Variants in HEATR6 observed in about 807,000 individuals in gnomAD.
The protein encoded by HEATR6 is HEAT repeat containing 6.
In HEATR6, 106 loss-of-function variants were observed where a neutral mutation model predicts 132.8. The ratio of observed to expected loss-of-function variants is 0.80; its 90% CI spans 0.68 to 0.94. HEATR6 has a LOEUF of 0.94. Ranked by LOEUF, HEATR6 falls within the 40% of genes least tolerant of loss-of-function variation. HEATR6 has a pLI of 0.00. For missense variants in HEATR6, 1,339 were observed against 1,425.1 expected (o/e 0.94, Z 0.97); for synonymous variants, 529 against 537.8 (o/e 0.98, Z 0.23).
chr17:60,072,471 T>C, intron 4 of HEATR6, 142 bp from the exon 5 acceptor site: 1 of 457,962 alleles, frequency 2.2e-6, no homozygotes, highest in East Asian at 3.3e-5. Flanking sequence ...AAAATTATTA[T>C]TTTGGTTAAT....
chr17:60,064,002 CTT>C (rs2145194261), intron 9 of HEATR6: 1 of 152,114 alleles, frequency 6.6e-6, no homozygotes, highest in East Asian at 1.9e-4. Context: ...TTCTAGAAGT[CTT>C]TATTTTAAAA....
chr17:60,058,945 A>G (rs1906843736), intron 11 of HEATR6, among the ~76,000 whole-genome samples: 1 of 152,224 alleles, frequency 6.6e-6, no homozygotes, highest in East Asian at 1.9e-4. Flanking sequence ...GCACTTAGTA[A>G]AGATTTGAAG....
chr17:60,057,254 C>T lies in HEATR6; in HGVS notation c.1873G>A (p.Asp625Asn). Residue 625 changes from aspartate (D) to asparagine (N), a missense_variant, in exon 12 of 20, where the codon GAT becomes AAT. Physicochemically the swap from Asp to Asn is conservative, Grantham distance 23 (BLOSUM62 1). Transcript: ENST00000184956. ...NSATPHLSPP[D>N]WWKKAPAGPS... Reference sequence around the variant, plus strand: ...CCTGCAGGGGCTTTCTTCCACCAATCAGGAGGGCTGAGGTGAGGGGTTGCT... The same window carrying T: ...CCTGCAGGGGCTTTCTTCCACCAATTAGGAGGGCTGAGGTGAGGGGTTGCT... 6.2e-7 allele frequency: 1 copy of T among 1,614,174 alleles called. No individual in the cohort carries two copies. Among genetic ancestry groups the T allele is most frequent in the Middle Eastern group, 1.6e-4 (1 of 6,062 alleles).
chr17:60,073,350 C>A (rs1222501060), intron 3 of HEATR6, 71 bp from the exon 4 acceptor site: 3 of 919,888 alleles, frequency 3.3e-6, no homozygotes, highest in Non-Finnish European at 5.2e-6. Context: ...AGACAGATTT[C>A]TTCTTTCTTT....
chr17:60,055,582 G>C lies in HEATR6; in HGVS notation c.2222C>G (p.Thr741Arg). The C allele has an allele frequency of 6.2e-7, 1 of 1,610,930 alleles. No homozygotes were observed. The highest frequency in any genetic ancestry group is 2.2e-5 in the East Asian group (1 of 44,800). The change falls in exon 14 of 20, where the codon ACA becomes AGA. Residue 741 changes from threonine to arginine, a missense_variant. Thr to Arg is a moderately conservative substitution (Grantham distance 71). Transcript: ENST00000184956. ...TGGTTTATACTGCTGTATTAAGCCT[G>C]TGCCCAGTTCTTCCAGAAGCTGCCA... ...HGAKLLEELG[T>R]GLIQQYKPDS...
chr17:60,059,667 G>A (rs1906868862), intron 10 of HEATR6, 146 bp from the exon 11 acceptor site: 2 of 648,196 alleles, frequency 3.1e-6, no homozygotes, highest in Non-Finnish European at 5.4e-6. Context: ...TATTCTCATT[G>A]GTACAACTAA....
Position 60,043,869 on chromosome 17 carries a change from CAA to C in HEATR6, c.3238_3239del (p.Leu1080GlufsTer16). 1 of 1,614,210 alleles carries C rather than the reference CAA, an allele frequency of 6.2e-7. No homozygotes were observed. The highest frequency in any genetic ancestry group is 1.1e-5 in the South Asian group (1 of 91,086). ...TQICQALIHL[L>X]SLASASDLPC... ...GGAGGTCCGAGGCACTGGCCAAGCT[CAA>C]GAGGTGAATCAGTGCCTGGCAGATT... On this transcript the variant is annotated frameshift_variant, in exon 20 of 20. Transcript: ENST00000184956. LOFTEE classifies it high-confidence loss of function.
chr17:60,053,867 T>A (rs1906659908), intron 14 of HEATR6, among the ~76,000 whole-genome samples: 2 of 152,188 alleles, frequency 1.3e-5, no homozygotes, highest in Admixed American at 1.3e-4. Context: ...TTGGAACTTA[T>A]CATTACAAGG....
Position 60,067,437 on chromosome 17 carries a change from A to T in HEATR6, c.1235T>A (p.Met412Lys), listed in dbSNP as rs761174116. The T allele has an allele frequency of 3.3e-6, 5 of 1,532,418 alleles. No homozygotes were observed. Among genetic ancestry groups the T allele is most frequent in the Non-Finnish European group, 4.4e-6 (5 of 1,143,626 alleles). 94.9% of individuals were successfully genotyped at this position (1,532,418 alleles called of 1,614,324 possible). The change falls in exon 8 of 20, where the codon ATG becomes AAG. Residue 412 changes from methionine (M) to lysine (K), a missense_variant. Physicochemically the swap from Met to Lys is moderately conservative, Grantham distance 95 (BLOSUM62 -1). Coordinates refer to ENST00000184956, the MANE Select transcript of HEATR6 (RefSeq NM_022070.5). ...AAATGTAACAAAATACTACTACCTC[A>T]TTTTACTCTGCATGCCTCCTTCAGC... ...SDAEGGMQSK[M>K]RSYQAKVRQG...
At chr17:60,053,998 C>A (rs995518591) in intron 14 of HEATR6, among the ~76,000 whole-genome samples, 1 of 152,222 alleles carries the variant, frequency 6.6e-6, no homozygotes, top group South Asian at 2.1e-4. Context: ...CAGGTGCTAA[C>A]AGCCAAGACT....
chr17:60,076,903 C>T (rs1266905697), intron 1 of HEATR6, among the ~76,000 whole-genome samples: 2 of 147,484 alleles, frequency 1.4e-5, no homozygotes, highest in Non-Finnish European at 3.0e-5. Flanking sequence ...AAAAATCAGA[C>T]CTAACACTTC....
intron 9 of HEATR6, 151 bp downstream of exon 9, chr17:60,066,058 C>T: frequency 1.5e-6 from 1 of 647,090 alleles, no homozygotes; most frequent in African/African-American, 1.9e-5. Context: ...AGCCCACTTC[C>T]TATTTTCCTG....
In HEATR6 at chr17:60,059,485, G is replaced by T; in HGVS notation, c.1660C>A (p.Arg554Ser). The T allele has an allele frequency of 6.2e-7, 1 of 1,613,414 alleles. No individual in the cohort carries two copies. Among genetic ancestry groups the T allele is most frequent in the Non-Finnish European group, 8.5e-7 (1 of 1,179,692 alleles). The change falls in exon 11 of 20, where the codon CGT (arginine) becomes AGT (serine). Residue 554 changes from arginine (R) to serine (S), a missense_variant. By Grantham distance (110) the Arg-to-Ser change is moderately radical. Coordinates refer to ENST00000184956, the MANE Select transcript of HEATR6 (RefSeq NM_022070.5). ...TTGGTCAGCAGGCTGAGTTTTAGAC[G>T]ATCATAAGGTGCATTTGATACTAAA... The part of the protein sequence containing the change: ...ANLVSNAPYD[R>S]LKLSLLTKVW...
intron 14 of HEATR6, among the ~76,000 whole-genome samples, chr17:60,054,408 T>G (rs1222484263): frequency 1.3e-5 from 2 of 151,926 alleles, no homozygotes; most frequent in Non-Finnish European, 2.9e-5. Flanking sequence ...AGATGTGAGG[T>G]TGGAGCCCCT....
chr17:60,043,762 C>T lies in HEATR6; in HGVS notation c.3347G>A (p.Gly1116Glu). Residue 1116 changes from glycine (G) to glutamate (E), a missense_variant, in exon 20 of 20, where the codon GGA becomes GAA. Gly to Glu is a moderately conservative substitution (Grantham distance 98). Coordinates refer to ENST00000184956, the MANE Select transcript of HEATR6 (RefSeq NM_022070.5). ...GCTGTGGGGTGCTCCAGTGTCATCT[C>T]CCTCTGCTCCTGATTTTAAAAACTG... Reference protein sequence around the residue: ...ILQFLKSGAEGDDTGAPHSPQ... With the variant: ...ILQFLKSGAEEDDTGAPHSPQ... The T allele has an allele frequency of 6.2e-7, 1 of 1,614,188 alleles. No homozygotes were observed. The highest frequency in any genetic ancestry group is 1.1e-5 in the South Asian group (1 of 91,086).
At chr17:60,051,273 T>A (rs1598907146) in intron 14 of HEATR6, among the ~76,000 whole-genome samples, 3 of 152,368 alleles carry the variant, frequency 2.0e-5, no homozygotes, top group South Asian at 4.1e-4. Flanking sequence ...CGGCAGCTAA[T>A]GTTCTTCAGA....
intron 2 of HEATR6, among the ~76,000 whole-genome samples, chr17:60,075,018 C>T (rs1486130471): frequency 6.6e-6 from 1 of 152,192 alleles, no homozygotes; most frequent in African/African-American, 2.4e-5. Flanking sequence ...CACAATAAGA[C>T]CATCCTCCTG....
chr17:60,066,243 A>G lies in HEATR6; in HGVS notation c.1382T>C (p.Leu461Ser). The G allele has an allele frequency of 6.2e-7, 1 of 1,614,012 alleles. No individual in the cohort carries two copies. The highest frequency in any genetic ancestry group is 1.1e-5 in the South Asian group (1 of 91,040). Reference sequence around the variant, plus strand: ...AGGGTCTTTCAATGTAAGAGTCATCAAGGACACTGACTGTGGGCTGCCAAG... The same window carrying G: ...AGGGTCTTTCAATGTAAGAGTCATCGAGGACACTGACTGTGGGCTGCCAAG... The part of the protein sequence containing the change: ...PELGSPQSVS[L>S]MTLTLKDPSP... The change falls in exon 9 of 20, where the codon TTG (leucine) becomes TCG (serine). Residue 461 changes from leucine to serine, a missense_variant. Coordinates refer to ENST00000184956, the MANE Select transcript of HEATR6 (RefSeq NM_022070.5).
At chr17:60,065,374 C>T (rs1172196668) in intron 9 of HEATR6, among the ~76,000 whole-genome samples, 1 of 152,188 alleles carries the variant, frequency 6.6e-6, no homozygotes, top group African/African-American at 2.4e-5. Context: ...CCCCTGACCC[C>T]TTAAGGAATA....
Sources: allele counts gnomAD v4.1 joint callset (sites outside exome capture counted in the v4.1 genomes callset), GRCh38; gene constraint gnomAD v4.1.1; transcripts MANE v1.5; gene names NCBI Gene and HGNC (gene_info 2026-07-23, HGNC 2026-07-21).